NRXN3: variants seen among roughly 807,000 people sequenced by gnomAD.
The protein encoded by NRXN3 is neurexin III.
A neutral mutation model predicts 137.6 loss-of-function variants in NRXN3; 32 were observed. That is an observed-to-expected ratio of 0.23 (90% CI 0.18 to 0.31). The LOEUF (loss-of-function observed/expected upper bound fraction) is 0.31, where lower values mean the gene tolerates loss of function less well. Ranked by LOEUF, NRXN3 falls within the 10% of genes least tolerant of loss-of-function variation. NRXN3 has a pLI of 1.00. For synonymous variants in NRXN3, 798 were observed against 784.5 expected (o/e 1.02, Z -0.29); for missense variants, 1,574 against 2,062.5 (o/e 0.76, Z 4.59).
In NRXN3 at chr14:78,693,226, C is replaced by A. The variant is rs149591322; in HGVS notation, c.1222-15991C>A. Reference sequence around the variant, plus strand: ...AATAGACCTGGCCAGGACAGCATTCCCACAGTCTCCATCAAGTCAGCAAGC... The same window carrying A: ...AATAGACCTGGCCAGGACAGCATTCACACAGTCTCCATCAAGTCAGCAAGC... On this transcript the variant is annotated intron_variant, in intron 6 of 20. Coordinates refer to ENST00000335750, the MANE Select transcript of NRXN3 (RefSeq NM_001330195.2). Among the ~76,000 whole-genome samples, 232 of 152,114 alleles carry A rather than the reference C, an allele frequency of 1.5e-3. 2 individuals carry two copies. Among genetic ancestry groups the A allele is most frequent in the African/African-American group, 5.4e-3 (226 of 41,486 alleles).
chr14:79,355,255 C>G (rs1287499883), intron 15 of NRXN3, among the ~76,000 whole-genome samples: 1 of 149,698 alleles, frequency 6.7e-6, no homozygotes, highest in South Asian at 2.1e-4. Context: ...TTCTGTCCCC[C>G]ACCCCCTTCC....
At chr14:79,288,387 T>A (rs2082630683) in intron 15 of NRXN3, among the ~76,000 whole-genome samples, 1 of 152,218 alleles carries the variant, frequency 6.6e-6, no homozygotes. Context: ...ATGGTTTATT[T>A]CTATTTACAG....
intron 10 of NRXN3, among the ~76,000 whole-genome samples, chr14:78,915,249 AGTACTGT>A (rs1287965467): frequency 6.8e-6 from 1 of 148,124 alleles, no homozygotes; most frequent in Admixed American, 6.9e-5. Context: ...CTATATATGG[AGTACTGT>A]GTGGTTTATA....
rs145124090 is a variant in NRXN3, at chr14:79,404,575, A to G, written c.3263-62646A>G. 2.6e-4 allele frequency among the ~76,000 whole-genome samples: 39 copies of G among 152,296 alleles called. 1 individual carries two copies. In the East Asian group the frequency reaches 7.2e-3, roughly 28 times the overall value. ...CAGCTAGGTTTTGAGTTTCTCTAAG[A>G]AAAGGTAGGGGGCAATGGATTTAAA... On this transcript the variant is annotated intron_variant, in intron 15 of 20. Coordinates refer to ENST00000335750, the MANE Select transcript of NRXN3 (RefSeq NM_001330195.2).
chr14:78,666,100 A>T (rs2097884045), intron 6 of NRXN3, among the ~76,000 whole-genome samples: 1 of 151,988 alleles, frequency 6.6e-6, no homozygotes. Context: ...TTTTTCTTTT[A>T]AAAATTGTGG....
At chr14:79,330,012 A>G (rs2091450877) in intron 15 of NRXN3, among the ~76,000 whole-genome samples, 1 of 151,932 alleles carries the variant, frequency 6.6e-6, no homozygotes, top group African/African-American at 2.4e-5. Context: ...TTGTATTTTT[A>G]GTAGAGATGG....
At chr14:79,261,342 C>T (rs2077544197) in intron 15 of NRXN3, among the ~76,000 whole-genome samples, 2 of 152,036 alleles carry the variant, frequency 1.3e-5, no homozygotes, top group African/African-American at 4.8e-5. Flanking sequence ...GGCGAGATCT[C>T]CTGTAAGGGA....
chr14:78,492,446 A>C (rs1260797040), intron 4 of NRXN3, among the ~76,000 whole-genome samples: 1 of 152,256 alleles, frequency 6.6e-6, no homozygotes, highest in African/African-American at 2.4e-5. Flanking sequence ...AAAGTACTTA[A>C]TAGTTTATAT....
chr14:79,533,335 A>T (rs924466065), intron 16 of NRXN3, among the ~76,000 whole-genome samples: 9 of 152,122 alleles, frequency 5.9e-5, no homozygotes, highest in African/African-American at 2.2e-4. Flanking sequence ...GATGAAGGTG[A>T]AGTTCTCAGC....
chr14:79,498,687 C>A (rs938156381), intron 16 of NRXN3, among the ~76,000 whole-genome samples: 16 of 152,226 alleles, frequency 1.1e-4, no homozygotes, highest in African/African-American at 3.6e-4. Flanking sequence ...CAATACCATG[C>A]TCCTCACTTC....
chr14:79,457,886 TCTC>T (rs1261075714), intron 15 of NRXN3, among the ~76,000 whole-genome samples: 2 of 152,128 alleles, frequency 1.3e-5, no homozygotes, highest in Non-Finnish European at 2.9e-5. Context: ...GTTCCAAACT[TCTC>T]CTTTCCTCTA....
chr14:79,448,307 C>A (rs1317501378), intron 15 of NRXN3, among the ~76,000 whole-genome samples: 27 of 152,184 alleles, frequency 1.8e-4, no homozygotes. Context: ...CCTTCCCAAC[C>A]CATTCTAAAC....
At chr14:78,264,134 G>A (rs1300208244) in intron 2 of NRXN3, among the ~76,000 whole-genome samples, 1 of 152,134 alleles carries the variant, frequency 6.6e-6, no homozygotes, top group Non-Finnish European at 1.5e-5. Flanking sequence ...CTTACCCGAG[G>A]TCATACATAA....
chr14:79,565,423 C>T (rs547969882), intron 16 of NRXN3, among the ~76,000 whole-genome samples: 9 of 150,516 alleles, frequency 6.0e-5, no homozygotes, highest in African/African-American at 1.7e-4. Flanking sequence ...TGCCAGGGGT[C>T]CCCAAGAATG....
intron 4 of NRXN3, among the ~76,000 whole-genome samples, chr14:78,481,822 T>C (rs2095477840): frequency 6.6e-6 from 1 of 152,180 alleles, no homozygotes; most frequent in Admixed American, 6.5e-5. Context: ...ATCTGGCATT[T>C]TGCTTATCCT....
intron 4 of NRXN3, among the ~76,000 whole-genome samples, chr14:78,504,748 C>G (rs1050875219): frequency 6.6e-6 from 1 of 152,060 alleles, no homozygotes; most frequent in Non-Finnish European, 1.5e-5. Context: ...TTGCGAAGTT[C>G]CCACTATGTG....
chr14:79,120,215 TA>T (rs965162732), intron 15 of NRXN3, among the ~76,000 whole-genome samples: 12 of 151,646 alleles, frequency 7.9e-5, no homozygotes, highest in Admixed American at 3.9e-4. Flanking sequence ...TATTTTGCAA[TA>T]AAAAAAAATT....
At chr14:79,736,672 C>CA (rs1382264815) in intron 19 of NRXN3, among the ~76,000 whole-genome samples, 1 of 152,146 alleles carries the variant, frequency 6.6e-6, no homozygotes, top group African/African-American at 2.4e-5. Flanking sequence ...GTGAAGGCCC[C>CA]AAGTTCTGGG....
At chr14:79,796,977 C>T (rs1328373954) in intron 19 of NRXN3, among the ~76,000 whole-genome samples, 7 of 152,072 alleles carry the variant, frequency 4.6e-5, no homozygotes, top group African/African-American at 1.7e-4. Context: ...GCTTAAATCT[C>T]AGTAGTCTAT....
Sources: gnomAD v4.1 joint callset for allele counts (sites outside exome capture counted in the v4.1 genomes callset) on GRCh38, gnomAD v4.1.1 for gene constraint, MANE v1.5 for transcripts, NCBI Gene and HGNC (gene_info 2026-07-23, HGNC 2026-07-21) for gene names.